Variants in CSMD1 observed in about 807,000 individuals in gnomAD.
CSMD1 encodes the protein CUB and sushi domain-containing protein 1.
In CSMD1, 213 loss-of-function variants were observed where a neutral mutation model predicts 417.5. The observed-to-expected ratio is 0.51, with a 90% CI of 0.46 to 0.57. The LOEUF (loss-of-function observed/expected upper bound fraction) is 0.57, where lower values mean the gene tolerates loss of function less well. CSMD1 is among the 20% of genes least tolerant of loss of function. CSMD1 has a pLI of 0.00. For synonymous variants in CSMD1, 2,862 were observed against 1,736.8 expected (o/e 1.65, Z -16.11); for missense variants, 6,923 against 4,529.7 (o/e 1.53, Z -15.17).
chr8:4,361,848 G>A (rs531293215), intron 3 of CSMD1, among the ~76,000 whole-genome samples: 4 of 152,078 alleles, frequency 2.6e-5, no homozygotes, highest in Admixed American at 1.3e-4. Flanking sequence ...CCAGCTATTT[G>A]GGAGGCTAAG....
At chr8:3,197,194 G>C (rs7005478) in intron 33 of CSMD1, among the ~76,000 whole-genome samples, 18 of 151,964 alleles carry the variant, frequency 1.2e-4, no homozygotes, top group Non-Finnish European at 2.5e-4. Flanking sequence ...TGGAGGGTGG[G>C]AAGCAGAAGG....
intron 3 of CSMD1, among the ~76,000 whole-genome samples, chr8:4,327,506 T>C (rs1276015761): frequency 1.3e-5 from 2 of 152,152 alleles, no homozygotes; most frequent in African/African-American, 4.8e-5. Context: ...CTGAGTGCCT[T>C]TCTTGCAGTG....
chr8:2,954,845 A>C (rs1403149562), intron 64 of CSMD1, among the ~76,000 whole-genome samples: 1 of 152,236 alleles, frequency 6.6e-6, no homozygotes, highest in Non-Finnish European at 1.5e-5. Flanking sequence ...AGGGCAAGGG[A>C]AACAAAAGTC....
intron 1 of CSMD1, among the ~76,000 whole-genome samples, chr8:4,977,042 T>C (rs1379385102): frequency 6.6e-6 from 1 of 152,216 alleles, no homozygotes; most frequent in African/African-American, 2.4e-5. Context: ...GTTGGCAAAA[T>C]GCTCATTTTT....
At chr8:4,501,909 A>G (rs1255708522) in intron 2 of CSMD1, among the ~76,000 whole-genome samples, 1 of 152,168 alleles carries the variant, frequency 6.6e-6, no homozygotes, top group Non-Finnish European at 1.5e-5. Context: ...TGAGGAATCT[A>G]CTGGGGGTTT....
rs551359303 is a variant in CSMD1 at position 3,064,324 on chromosome 8, T to G, written c.7475-11677A>C. Among the ~76,000 whole-genome samples, 3 of 152,218 alleles carry G rather than the reference T, an allele frequency of 2.0e-5. No homozygotes were observed. The South Asian group carries it at 6.2e-4, about 32-fold the overall frequency. Reference sequence around the variant, plus strand: ...AGGCAGCTGTTCTCATGATGGTGAGTGAGTTCTCAGGAGATCTGATGGTTT... The same window carrying G: ...AGGCAGCTGTTCTCATGATGGTGAGGGAGTTCTCAGGAGATCTGATGGTTT... On this transcript the variant is annotated intron_variant, in intron 49 of 69. Coordinates refer to ENST00000635120, the MANE Select transcript of CSMD1 (RefSeq NM_033225.6).
intron 7 of CSMD1, among the ~76,000 whole-genome samples, chr8:3,659,837 T>C (rs930291903): frequency 6.6e-6 from 1 of 152,160 alleles, no homozygotes; most frequent in African/African-American, 2.4e-5. Flanking sequence ...CATTCCCAAA[T>C]AGACTATACA....
At chr8:3,860,359 TTTTTA>T (rs1272384462) in intron 5 of CSMD1, among the ~76,000 whole-genome samples, 1 of 152,210 alleles carries the variant, frequency 6.6e-6, no homozygotes, top group Non-Finnish European at 1.5e-5. Flanking sequence ...TTTCAGTTCA[TTTTTA>T]TTTTATGATA....
In CSMD1 at chr8:3,596,976, T is replaced by C. The variant is rs543609437; in HGVS notation, c.1098-10716A>G. On this transcript the variant is annotated intron_variant, in intron 8 of 69. Transcript: ENST00000635120. ...CTTCTGCCTGCCTTGTTTGGTGCAA[T>C]GGCTCACTCTGTTTCTGTGGCCATG... is the stretch of plus-strand genomic sequence containing the variant. Among the ~76,000 whole-genome samples the C allele has an allele frequency of 1.4e-4, 21 of 152,282 alleles. No individual in the cohort carries two copies. The South Asian group carries it at 4.1e-3, about 30-fold the overall frequency.
chr8:3,887,953 A>T (rs565852608), intron 5 of CSMD1, among the ~76,000 whole-genome samples: 2 of 152,340 alleles, frequency 1.3e-5, no homozygotes, highest in Admixed American at 1.3e-4. Context: ...AGCAATACTT[A>T]AGAAAACAGA....
intron 3 of CSMD1, among the ~76,000 whole-genome samples, chr8:4,179,314 C>G (rs1027854041): frequency 6.6e-6 from 1 of 152,040 alleles, no homozygotes; most frequent in African/African-American, 2.4e-5. Context: ...CCTGACAAAA[C>G]CAAGCAATGG....
At chr8:3,948,326 T>G (rs1159967654) in intron 5 of CSMD1, among the ~76,000 whole-genome samples, 1 of 152,114 alleles carries the variant, frequency 6.6e-6, no homozygotes, top group Admixed American at 6.6e-5. Flanking sequence ...ATAAGGGGCT[T>G]AGAATTTGGG....
chr8:3,655,562 C>G (rs1338704870), intron 7 of CSMD1, among the ~76,000 whole-genome samples: 3 of 151,972 alleles, frequency 2.0e-5, no homozygotes, highest in African/African-American at 7.3e-5. Context: ...TGTAAGGTAC[C>G]AAGAGAGAAC....
At chr8:3,851,388 C>G (rs1803895230) in intron 5 of CSMD1, among the ~76,000 whole-genome samples, 1 of 152,192 alleles carries the variant, frequency 6.6e-6, no homozygotes. Context: ...TTTGTTATCT[C>G]TTTTGGCATG....
At chr8:3,558,596 T>A (rs1405812791) in intron 10 of CSMD1, among the ~76,000 whole-genome samples, 1 of 127,352 alleles carries the variant, frequency 7.9e-6, no homozygotes, top group Non-Finnish European at 1.5e-5. Flanking sequence ...GTCTCAATAG[T>A]ACCCCGTGTC....
intron 2 of CSMD1, among the ~76,000 whole-genome samples, chr8:4,579,201 C>G (rs983727309): frequency 6.6e-6 from 1 of 151,840 alleles, no homozygotes; most frequent in Non-Finnish European, 1.5e-5. Context: ...GGTGTGGTTG[C>G]TCTGACGGAA....
intron 1 of CSMD1, among the ~76,000 whole-genome samples, chr8:4,756,091 G>T (rs1811650991): frequency 6.6e-6 from 1 of 152,118 alleles, no homozygotes; most frequent in East Asian, 1.9e-4. Flanking sequence ...TTCTATGTAT[G>T]TTCCAAAAAA....
At chr8:4,784,352 T>A (rs1419924013) in intron 1 of CSMD1, among the ~76,000 whole-genome samples, 1 of 152,186 alleles carries the variant, frequency 6.6e-6, no homozygotes, top group Non-Finnish European at 1.5e-5. Context: ...AAATTCCCCC[T>A]GCAGGGTCAT....
intron 2 of CSMD1, among the ~76,000 whole-genome samples, chr8:4,586,045 G>T (rs575981745): frequency 6.6e-6 from 1 of 152,122 alleles, no homozygotes; most frequent in African/African-American, 2.4e-5. Context: ...TGTAATGGTT[G>T]TACGTATACA....
Sources: allele counts gnomAD v4.1 joint callset (sites outside exome capture counted in the v4.1 genomes callset), GRCh38; gene constraint gnomAD v4.1.1; transcripts MANE v1.5; gene names NCBI Gene and HGNC (gene_info 2026-07-23, HGNC 2026-07-21).